Variants in IGSF11 observed in about 807,000 individuals in gnomAD.
IGSF11 encodes CXADR like 1.
IGSF11 carries 22 observed loss-of-function variants against 41.0 expected under a neutral mutation model. The ratio of observed to expected loss-of-function variants is 0.54; its 90% CI spans 0.38 to 0.77. The LOEUF (loss-of-function observed/expected upper bound fraction) is 0.77, where lower values mean the gene tolerates loss of function less well. IGSF11 is among the 30% of genes least tolerant of loss of function. The pLI, the probability that IGSF11 is intolerant of heterozygous loss-of-function variation, is 0.00. For synonymous variants in IGSF11, 219 were observed against 201.3 expected, an observed-to-expected ratio of 1.09 and a Z score of -0.74; for missense variants, 444 against 530.8, an observed-to-expected ratio of 0.84 and a Z score of 1.61.
intron 4 of IGSF11, among the ~76,000 whole-genome samples, chr3:118,919,975 T>C (rs1941583010): frequency 1.6e-5 from 2 of 128,026 alleles, no homozygotes; most frequent in Non-Finnish European, 1.7e-5. Context: ...ATGGATGAAA[T>C]TGGAAATCAT....
chr3:119,086,177 G>T (rs568783410), intron 1 of IGSF11, among the ~76,000 whole-genome samples: 1 of 152,258 alleles, frequency 6.6e-6, no homozygotes, highest in South Asian at 2.1e-4. Context: ...AATCAACTCA[G>T]TCGGACAAAA....
intron 1 of IGSF11, among the ~76,000 whole-genome samples, chr3:119,052,527 C>T (rs1941669125): frequency 6.6e-6 from 1 of 151,706 alleles, no homozygotes; most frequent in African/African-American, 2.4e-5. Flanking sequence ...AAAAAAAGTC[C>T]AGGACCAGAT....
intron 3 of IGSF11, among the ~76,000 whole-genome samples, chr3:118,926,864 AG>A (rs1463896227): frequency 6.6e-6 from 1 of 152,236 alleles, no homozygotes. Flanking sequence ...AGAACACTAA[AG>A]GAAGAAGGTG....
At chr3:118,917,265 A>T (rs1260293196) in intron 4 of IGSF11, among the ~76,000 whole-genome samples, 15 of 149,254 alleles carry the variant, frequency 1.0e-4, no homozygotes, top group African/African-American at 3.8e-4. Context: ...ATCAGAGCAG[A>T]ACTGAAGGAA....
intron 1 of IGSF11, among the ~76,000 whole-genome samples, chr3:118,985,614 T>C (rs902254421): frequency 1.2e-4 from 18 of 152,224 alleles, no homozygotes; most frequent in African/African-American, 4.3e-4. Flanking sequence ...GATCTTTATT[T>C]GCCATTCCAA....
chr3:118,992,815 A>T (rs1472750111), intron 1 of IGSF11, among the ~76,000 whole-genome samples: 1 of 152,252 alleles, frequency 6.6e-6, no homozygotes. Context: ...CTTTATGAAA[A>T]TTAAGAATTT....
At chr3:118,939,329 A>G (rs1943506472) in intron 1 of IGSF11, among the ~76,000 whole-genome samples, 1 of 152,056 alleles carries the variant, frequency 6.6e-6, no homozygotes, top group Admixed American at 6.6e-5. Context: ...TAATCCCAGC[A>G]CTTTGGGACG....
chr3:119,037,894 T>C (rs964956852), upstream of IGSF11, among the ~76,000 whole-genome samples: 5 of 152,218 alleles, frequency 3.3e-5, no homozygotes, highest in African/African-American at 1.2e-4. Flanking sequence ...TCCCTCTTCA[T>C]TCATATATAT....
chr3:118,936,688 T>C (rs902329601), intron 1 of IGSF11, among the ~76,000 whole-genome samples: 1 of 152,170 alleles, frequency 6.6e-6, no homozygotes, highest in African/African-American at 2.4e-5. Flanking sequence ...ATAAAGTGCA[T>C]GGTCATATTT....
intron 1 of IGSF11, among the ~76,000 whole-genome samples, chr3:119,011,162 C>T (rs893992242): frequency 6.6e-6 from 1 of 152,112 alleles, no homozygotes; most frequent in Non-Finnish European, 1.5e-5. Flanking sequence ...GAAGTCTCAA[C>T]TGTGGAAGTG....
chr3:119,064,539 T>C (rs1489180115), intron 1 of IGSF11, among the ~76,000 whole-genome samples: 2 of 146,988 alleles, frequency 1.4e-5, no homozygotes, highest in Admixed American at 6.8e-5. Flanking sequence ...TTTTTCCATG[T>C]GAACTTAGGA....
chr3:118,949,937 A>G (rs995477212), intron 1 of IGSF11, among the ~76,000 whole-genome samples: 2 of 152,160 alleles, frequency 1.3e-5, no homozygotes, highest in African/African-American at 4.8e-5. Flanking sequence ...TTAATTTACC[A>G]ATGAAAATTG....
intron 4 of IGSF11, among the ~76,000 whole-genome samples, chr3:118,908,704 T>C (rs2107477191): frequency 6.6e-6 from 1 of 152,346 alleles, no homozygotes; most frequent in Middle Eastern, 3.4e-3. Flanking sequence ...ATGCACTTGG[T>C]TCACCAGCTA....
chr3:118,997,997 C>T (rs560873280), intron 1 of IGSF11, among the ~76,000 whole-genome samples: 52 of 152,280 alleles, frequency 3.4e-4, no homozygotes, highest in African/African-American at 1.2e-3. Flanking sequence ...TTTCTGCCAA[C>T]ATCAGTGTTT....
chr3:119,044,317 G>A (rs569720811), intron 1 of IGSF11, among the ~76,000 whole-genome samples: 7 of 152,188 alleles, frequency 4.6e-5, no homozygotes, highest in Non-Finnish European at 7.4e-5. Context: ...GAACTTCAGA[G>A]CTTGAAGATA....
chr3:118,981,572 A>G (rs1015115044), intron 1 of IGSF11, among the ~76,000 whole-genome samples: 3 of 152,050 alleles, frequency 2.0e-5, no homozygotes, highest in Admixed American at 6.6e-5. Context: ...CCTCAATGTG[A>G]TTGTTCCAGA....
rs576861177 is a variant in IGSF11 at position 118,998,987 on chromosome 3, T to A, written c.52+35544A>T. Among the ~76,000 whole-genome samples, 15 of 151,976 alleles carry A rather than the reference T, an allele frequency of 9.9e-5. No homozygotes were observed. The South Asian group carries it at 1.5e-3, about 15-fold the overall frequency. On this transcript the variant is annotated intron_variant, in intron 1 of 6. Transcript: ENST00000393775. Reference sequence around the variant, plus strand: ...CATACAATGAAATGTTATGAAAAAATTTTTTAATAATAAGGAAATGGGTAT... The same window carrying A: ...CATACAATGAAATGTTATGAAAAAAATTTTTAATAATAAGGAAATGGGTAT...
At chr3:119,051,599 G>A (rs1165648486) in intron 1 of IGSF11, among the ~76,000 whole-genome samples, 1 of 152,070 alleles carries the variant, frequency 6.6e-6, no homozygotes, top group Non-Finnish European at 1.5e-5. Context: ...AGAAACAATG[G>A]AATTAAACTA....
chr3:118,962,739 A>G (rs570048206), intron 1 of IGSF11, among the ~76,000 whole-genome samples: 1 of 152,316 alleles, frequency 6.6e-6, no homozygotes, highest in Admixed American at 6.5e-5. Flanking sequence ...AATAAAGGCT[A>G]GAATTCTGTG....
Sources: gnomAD v4.1 joint callset for allele counts (sites outside exome capture counted in the v4.1 genomes callset) on GRCh38, gnomAD v4.1.1 for gene constraint, MANE v1.5 for transcripts, NCBI Gene and HGNC (gene_info 2026-07-23, HGNC 2026-07-21) for gene names.